The following KAT6A variants were observed in gnomAD, a reference collection of about 807,000 sequenced individuals.
The protein encoded by KAT6A is histone acetyltransferase KAT6A.
In KAT6A, 9 loss-of-function variants were observed where a neutral mutation model predicts 198.4. That is an observed-to-expected ratio of 0.05 (90% CI 0.03 to 0.08). KAT6A has a LOEUF of 0.08. KAT6A is among the 10% of genes least tolerant of loss of function. The pLI is 1.00. For missense variants in KAT6A, 2,077 were observed against 2,509.9 expected, an observed-to-expected ratio of 0.83 and a Z score of 3.69; for synonymous variants, 890 against 883.0, an observed-to-expected ratio of 1.01 and a Z score of -0.14.
intron 2 of KAT6A, among the ~76,000 whole-genome samples, chr8:42,030,625 C>T (rs1156435622): frequency 2.0e-5 from 3 of 151,566 alleles, no homozygotes; most frequent in Non-Finnish European, 2.9e-5. Context: ...AGTGCAGTGG[C>T]GGGATCTTGG....
intron 2 of KAT6A, among the ~76,000 whole-genome samples, chr8:42,041,193 A>C (rs1460240905): frequency 6.4e-5 from 1 of 15,638 alleles, no homozygotes; most frequent in African/African-American, 7.7e-4. Context: ...ATTCCGTCTC[A>C]AAAAAAAAAA....
intron 8 of KAT6A, among the ~76,000 whole-genome samples, chr8:41,964,771 A>C (rs1823379069): frequency 1.3e-5 from 2 of 152,180 alleles, no homozygotes; most frequent in African/African-American, 4.8e-5. Context: ...GCACAGTAAG[A>C]GATTAACAAC....
chr8:42,027,757 T>G (rs1381115011), intron 2 of KAT6A, among the ~76,000 whole-genome samples: 1 of 152,124 alleles, frequency 6.6e-6, no homozygotes, highest in East Asian at 1.9e-4. Flanking sequence ...TTCTTTGTAT[T>G]TTTTCAGTTT....
Position 41,933,930 on chromosome 8 carries a change from A to G in KAT6A, c.4290T>C (p.Ser1430=). The G allele has an allele frequency of 6.2e-7, 1 of 1,614,068 alleles. No individual in the cohort carries two copies. The highest frequency in any genetic ancestry group is 8.5e-7 in the Non-Finnish European group (1 of 1,180,004). ...GCTCACTGCTTTCTTCTTGAGTCAAAGACTGCACTGCCTGTACAGTTTCCA... is the reference window on the plus strand; with the variant it reads ...GCTCACTGCTTTCTTCTTGAGTCAAGGACTGCACTGCCTGTACAGTTTCCA... ...LDLETVQAVQ[S]LTQEESSEHE... Residue 1430 remains serine (S), a synonymous_variant, in exon 17 of 17, where the codon TCT becomes TCC. Transcript: ENST00000265713. The surrounding 1 kb of genome is among the most constrained non-coding windows in gnomAD (Gnocchi z 6.2).
chr8:41,949,504 G>A (rs570647446), intron 9 of KAT6A, 141 bp from the exon 10 acceptor site: 35 of 457,346 alleles, frequency 7.7e-5, no homozygotes, highest in African/African-American at 5.5e-4. Context: ...AATACTGGAC[G>A]GTAAAATGAC....
intron 2 of KAT6A, among the ~76,000 whole-genome samples, chr8:42,015,220 G>A (rs1826216033): frequency 6.6e-6 from 1 of 152,108 alleles, no homozygotes; most frequent in Non-Finnish European, 1.5e-5. Flanking sequence ...AAAAGAATCC[G>A]GACTACCAAG....
intron 2 of KAT6A, among the ~76,000 whole-genome samples, chr8:42,020,215 C>T (rs1180382695): frequency 2.6e-5 from 4 of 152,140 alleles, no homozygotes; most frequent in Non-Finnish European, 5.9e-5. Context: ...TTACATGTTA[C>T]CTGGTTCGCA....
intron 12 of KAT6A, among the ~76,000 whole-genome samples, chr8:41,944,336 T>C (rs1439261674): frequency 6.6e-6 from 1 of 152,214 alleles, no homozygotes; most frequent in Non-Finnish European, 1.5e-5. Flanking sequence ...AACTGCTGTA[T>C]CTGAACTGAG....
At chr8:41,981,114 T>G (rs1824335765) in intron 4 of KAT6A, among the ~76,000 whole-genome samples, 187 bp from the exon 5 acceptor site, 1 of 152,152 alleles carries the variant, frequency 6.6e-6, no homozygotes, top group African/African-American at 2.4e-5. Flanking sequence ...GGTCAGGAGT[T>G]CGAGACTAGC....
intron 2 of KAT6A, among the ~76,000 whole-genome samples, chr8:42,028,839 T>C (rs1340912363): frequency 6.6e-6 from 1 of 152,204 alleles, no homozygotes; most frequent in African/African-American, 2.4e-5. Flanking sequence ...TAATTTCCTG[T>C]GGTAATATTT....
intron 1 of KAT6A, among the ~76,000 whole-genome samples, chr8:42,050,412 G>A (rs1802548694): frequency 6.6e-6 from 1 of 152,148 alleles, no homozygotes; most frequent in Admixed American, 6.5e-5. Flanking sequence ...CTCTCATTCT[G>A]GAGATCATTT....
intron 5 of KAT6A, 115 bp from the exon 6 acceptor site, chr8:41,978,892 A>C: frequency 1.2e-6 from 1 of 835,996 alleles, no homozygotes; most frequent in Non-Finnish European, 1.9e-6. Context: ...GTCATTAGAA[A>C]ATCTGATGAA....
intron 8 of KAT6A, among the ~76,000 whole-genome samples, chr8:41,955,658 T>C (rs922876699): frequency 6.6e-6 from 1 of 152,232 alleles, no homozygotes; most frequent in Non-Finnish European, 1.5e-5. Context: ...CATTTCTACA[T>C]TTAATAACAG....
At chr8:41,994,676 A>G (rs1825106610) in intron 2 of KAT6A, among the ~76,000 whole-genome samples, 1 of 152,016 alleles carries the variant, frequency 6.6e-6, no homozygotes, top group South Asian at 2.1e-4. Flanking sequence ...GTGTGTATGT[A>G]TATCTTATTA....
intron 5 of KAT6A, 26 bp from the exon 6 acceptor site, chr8:41,978,803 G>T: frequency 1.2e-6 from 2 of 1,606,912 alleles, no homozygotes; most frequent in African/African-American, 1.3e-5. Context: ...ATTCCACATA[G>T]AAGTGTGACA....
rs1402013706 is a variant in KAT6A at position 41,946,730 on chromosome 8, G to A, written c.1903-46C>T. On this transcript the variant is annotated intron_variant, in intron 11 of 16. Transcript: ENST00000265713. Reference sequence around the variant, plus strand: ...CAAGTTTGAAAACAGGCTGGTAAAAGTGAATAATAACGTGAATTAAGAAAC... The same window carrying A: ...CAAGTTTGAAAACAGGCTGGTAAAAATGAATAATAACGTGAATTAAGAAAC... 2.7e-6 allele frequency: 3 copies of A among 1,103,876 alleles called. No homozygotes were observed. In the Admixed American group the frequency reaches 5.1e-5, roughly 19 times the overall value. The allele number at this position is 1,103,876 out of a possible 1,614,324, so 68.4% of individuals were successfully genotyped here.
intron 2 of KAT6A, among the ~76,000 whole-genome samples, chr8:42,033,639 A>C (rs1827237249): frequency 6.6e-6 from 1 of 151,996 alleles, no homozygotes; most frequent in Non-Finnish European, 1.5e-5. Context: ...GACTTCCCTG[A>C]CTTTTTCCAC....
intron 1 of KAT6A, among the ~76,000 whole-genome samples, chr8:42,051,344 C>A (rs1248999879): frequency 6.6e-6 from 1 of 151,814 alleles, no homozygotes; most frequent in African/African-American, 2.4e-5. Context: ...CAGCCCCGCT[C>A]GCCGCCTCAG....
In KAT6A at chr8:41,933,416, T is replaced by C. The variant is rs369072402; in HGVS notation, c.4804A>G (p.Ser1602Gly). The C allele has an allele frequency of 3.5e-5, 57 of 1,610,900 alleles. No individual in the cohort carries two copies. The highest frequency in any genetic ancestry group is 4.6e-5 in the Non-Finnish European group (54 of 1,179,190). Residue 1602 changes from serine to glycine, a missense_variant, in exon 17 of 17, where the codon AGC (serine) becomes GGC (glycine). Coordinates refer to ENST00000265713, the MANE Select transcript of KAT6A (RefSeq NM_006766.5). This position sits in a 1 kb window ranked among gnomAD's most constrained non-coding sequence, Gnocchi z 6.2. ...GCCATCTGCTGAGTGACCACACAGC[T>C]GCTCTGGGTGAGGCTGCTGGAGGAC... ...LSSSSSLTQS[S>G]CVVTQQMASM...
Sources: allele counts gnomAD v4.1 joint callset (sites outside exome capture counted in the v4.1 genomes callset), GRCh38; gene constraint gnomAD v4.1.1; non-coding constraint Gnocchi (gnomAD v3.1); transcripts MANE v1.5; gene names NCBI Gene and HGNC (gene_info 2026-07-23, HGNC 2026-07-21).